NEMP2: variants seen among roughly 807,000 people sequenced by gnomAD.
NEMP2 encodes nuclear envelope integral membrane protein 2.
A neutral mutation model predicts 54.2 loss-of-function variants in NEMP2; 53 were observed. That is an observed-to-expected ratio of 0.98 (90% confidence interval 0.78 to 1.23). The LOEUF is 1.23. Among genes scored for constraint, NEMP2 ranks in the 50% most tolerant of loss-of-function variants. The probability of loss-of-function intolerance (pLI) is 0.00; values close to 1 mark genes in which losing one functional copy is unlikely to be tolerated. For synonymous variants in NEMP2, 197 were observed against 190.3 expected, an observed-to-expected ratio of 1.04 and a Z score of -0.29; for missense variants, 455 against 511.3, an observed-to-expected ratio of 0.89 and a Z score of 1.06.
chr2:190,454,839 G>A, the NEMP2 span, among the ~76,000 whole-genome samples: 1 of 152,074 alleles, frequency 6.6e-6, no homozygotes, highest in Non-Finnish European at 1.5e-5. The surrounding 1 kb of genome is among the most constrained non-coding windows in gnomAD (Gnocchi z 4.6). Flanking sequence ...CTAGAATAGG[G>A]ACCTATGGCC....
the NEMP2 span, among the ~76,000 whole-genome samples, chr2:190,446,521 A>T: frequency 6.6e-6 from 1 of 152,232 alleles, no homozygotes; most frequent in African/African-American, 2.4e-5. Flanking sequence ...AATCTGCCTA[A>T]TAACTCACTG....
chr2:190,585,555 C>T, the NEMP2 span, among the ~76,000 whole-genome samples: 3,514 of 152,302 alleles, frequency 0.023, 72 homozygotes, highest in Middle Eastern at 0.075. The surrounding 1 kb of genome is among the most constrained non-coding windows in gnomAD (Gnocchi z 5.3). Context: ...TCTAGTCCCC[C>T]ACCCCCATGT....
At chr2:190,500,584 T>G (rs1354003524), downstream of NEMP2, 1 of 194,580 alleles carries the variant, frequency 5.1e-6, no homozygotes, top group Non-Finnish European at 1.1e-5. The surrounding 1 kb of genome is among the most constrained non-coding windows in gnomAD (Gnocchi z 5.3). Flanking sequence ...AATGTGGATA[T>G]AATTTCCCTC....
At chr2:190,501,007 A>T (rs1689997669), downstream of NEMP2, 1 of 152,198 alleles carries the variant, frequency 6.6e-6, no homozygotes, top group African/African-American at 2.4e-5. Flanking sequence ...GTTTTGATAG[A>T]CAAGAGTTTA....
At chr2:190,644,595 C>T in the NEMP2 span, among the ~76,000 whole-genome samples, 5 of 152,250 alleles carry the variant, frequency 3.3e-5, no homozygotes, top group South Asian at 4.1e-4. The surrounding 1 kb of genome is among the most constrained non-coding windows in gnomAD (Gnocchi z 4.4). Flanking sequence ...TTCGTGGGAA[C>T]GTGGATGGAG....
chr2:190,475,540 C>T, the NEMP2 span, among the ~76,000 whole-genome samples: 1 of 152,114 alleles, frequency 6.6e-6, no homozygotes, highest in African/African-American at 2.4e-5. Flanking sequence ...AACTACAAAC[C>T]ACTGCTCAAT....
At chr2:190,429,893 A>G in the NEMP2 span, among the ~76,000 whole-genome samples, 1 of 152,004 alleles carries the variant, frequency 6.6e-6, no homozygotes, top group East Asian at 1.9e-4. Flanking sequence ...CATGTGTACA[A>G]TGTGCAGATT....
At chr2:190,477,565 G>T in the NEMP2 span, among the ~76,000 whole-genome samples, 4 of 152,294 alleles carry the variant, frequency 2.6e-5, no homozygotes, top group East Asian at 7.7e-4. Flanking sequence ...AACAAATGCT[G>T]TGTGAATTTA....
chr2:190,551,947 T>C, the NEMP2 span, among the ~76,000 whole-genome samples: 1 of 152,190 alleles, frequency 6.6e-6, no homozygotes, highest in Admixed American at 6.5e-5. Flanking sequence ...TCCAGCTCCA[T>C]TTTGATTCCA....
chr2:190,560,144 G>C, the NEMP2 span, among the ~76,000 whole-genome samples: 5 of 152,194 alleles, frequency 3.3e-5, no homozygotes, highest in African/African-American at 4.8e-5. This position sits in a 1 kb window ranked among gnomAD's most constrained non-coding sequence, Gnocchi z 5.4. Context: ...TGCTGTGTTA[G>C]AGATAAAAAC....
At position 190,521,743 on chromosome 2, in the gene NEMP2, G is replaced by A. The variant is rs1479729807; in HGVS notation, c.214-2560C>T. 6.6e-6 allele frequency among the ~76,000 whole-genome samples: 1 copy of A among 152,116 alleles called. No individual in the cohort carries two copies. Among genetic ancestry groups the A allele is most frequent in the African/African-American group, 2.4e-5 (1 of 41,416 alleles). ...AACTCAAATGCCCAATTAATTCTCA[G>A]TCATCTTATTTGACCTGTCAACAGC... On this transcript the variant is annotated intron_variant, in intron 2 of 8. Transcript: ENST00000409150. This position sits in a 1 kb window ranked among gnomAD's most constrained non-coding sequence, Gnocchi z 6.2.
the NEMP2 span, among the ~76,000 whole-genome samples, chr2:190,492,482 G>A: frequency 6.6e-6 from 1 of 152,128 alleles, no homozygotes; most frequent in Non-Finnish European, 1.5e-5. The surrounding 1 kb of genome is among the most constrained non-coding windows in gnomAD (Gnocchi z 5.2). Context: ...AAGGGATTGA[G>A]GCCCTATGTT....
At chr2:190,436,091 T>C in the NEMP2 span, 5 of 1,614,218 alleles carry the variant, frequency 3.1e-6, no homozygotes, top group Non-Finnish European at 4.2e-6. This position sits in a 1 kb window ranked among gnomAD's most constrained non-coding sequence, Gnocchi z 5.3. Context: ...AGAAAGTATG[T>C]GCTTGCAGAT....
At chr2:190,460,886 A>G in the NEMP2 span, among the ~76,000 whole-genome samples, 1 of 152,206 alleles carries the variant, frequency 6.6e-6, no homozygotes, top group African/African-American at 2.4e-5. Flanking sequence ...TCTTCTTCAT[A>G]TCAGCAATTT....
At chr2:190,442,554 C>T in the NEMP2 span, 3 of 151,922 alleles carry the variant, frequency 2.0e-5, no homozygotes, top group East Asian at 1.9e-4. Flanking sequence ...AAGTAAGAGA[C>T]GGTACAGGCC....
chr2:190,561,389 A>G, the NEMP2 span, among the ~76,000 whole-genome samples: 1 of 152,138 alleles, frequency 6.6e-6, no homozygotes, highest in Non-Finnish European at 1.5e-5. This position sits in a 1 kb window ranked among gnomAD's most constrained non-coding sequence, Gnocchi z 5.4. Context: ...ATTTTCTCAC[A>G]CTTCCAGAGG....
In NEMP2 at chr2:190,519,232, T is replaced by C. The variant is rs949261010; in HGVS notation, c.214-49A>G. On this transcript the variant is annotated intron_variant, in intron 2 of 8. Transcript: ENST00000409150. This position sits in a 1 kb window ranked among gnomAD's most constrained non-coding sequence, Gnocchi z 5.4. ...CCATAAACAGAATAACTTCTCTTTT[T>C]TGTTTTGGAGACAGGGTCTCCCTCT... 9 of 1,346,566 alleles carry C rather than the reference T, an allele frequency of 6.7e-6. No individual in the cohort carries two copies. In the African/African-American group the frequency reaches 8.7e-5, roughly 13 times the overall value. The allele number at this position is 1,346,566 out of a possible 1,614,324, so 83.4% of individuals were successfully genotyped here.
the NEMP2 span, among the ~76,000 whole-genome samples, chr2:190,546,559 A>G: frequency 9.9e-5 from 15 of 152,136 alleles, no homozygotes; most frequent in Admixed American, 3.3e-4. This position sits in a 1 kb window ranked among gnomAD's most constrained non-coding sequence, Gnocchi z 5.1. Context: ...AAGTCCATCT[A>G]CCTGAAATTA....
chr2:190,464,798 A>C, the NEMP2 span: 2 of 461,236 alleles, frequency 4.3e-6, no homozygotes, highest in Non-Finnish European at 5.7e-6. Flanking sequence ...AAGACCAAGT[A>C]GATTTCCTCT....
Sources: allele counts gnomAD v4.1 joint callset (sites outside exome capture counted in the v4.1 genomes callset), GRCh38; gene constraint gnomAD v4.1.1; non-coding constraint Gnocchi (gnomAD v3.1); transcripts MANE v1.5; gene names NCBI Gene and HGNC (gene_info 2026-07-23, HGNC 2026-07-21).